The following TACR1 variants were observed in gnomAD, a reference collection of about 807,000 sequenced individuals.
The protein encoded by TACR1 is tachykinin receptor 1, also known as substance-P receptor.
In TACR1, 25 loss-of-function variants were observed where a neutral mutation model predicts 35.8. The observed-to-expected ratio is 0.70, with a 90% CI of 0.51 to 0.98. The LOEUF is 0.98. Among genes scored for constraint, TACR1 ranks in the 50% least tolerant of loss-of-function variants. The probability of loss-of-function intolerance (pLI) is 0.00; values close to 1 mark genes in which losing one functional copy is unlikely to be tolerated. For synonymous variants in TACR1, 195 were observed against 206.7 expected (o/e 0.94, Z 0.48); for missense variants, 478 against 522.9 (o/e 0.91, Z 0.84).
At chr2:75,109,067 T>G (rs1308280875) in intron 2 of TACR1, among the ~76,000 whole-genome samples, 1 of 152,122 alleles carries the variant, frequency 6.6e-6, no homozygotes, top group Admixed American at 6.6e-5. Context: ...ACAACCTGTT[T>G]GGGAAAACAA....
intron 1 of TACR1, among the ~76,000 whole-genome samples, chr2:75,193,628 G>T (rs1675901028): frequency 6.6e-6 from 1 of 152,022 alleles, no homozygotes; most frequent in Non-Finnish European, 1.5e-5. Flanking sequence ...CTGTCATACA[G>T]CTTCTTCTAC....
At chr2:75,107,281 G>A (rs369506657) in intron 2 of TACR1, among the ~76,000 whole-genome samples, 2 of 151,958 alleles carry the variant, frequency 1.3e-5, no homozygotes, top group South Asian at 4.2e-4. Flanking sequence ...TACAATGAAA[G>A]ATTTTAAGGT....
Position 75,172,486 on chromosome 2 carries a change from A to G in TACR1, c.389+26060T>C, listed in dbSNP as rs530523293. On this transcript the variant is annotated intron_variant, in intron 1 of 4. Transcript: ENST00000305249. Reference sequence around the variant, plus strand: ...TTTTCGGGCTGTCCCCCGTCTAGGCAGCCCCCTTCCATGTCTTCCCTAAGG... The same window carrying G: ...TTTTCGGGCTGTCCCCCGTCTAGGCGGCCCCCTTCCATGTCTTCCCTAAGG... 3.2e-3 allele frequency among the ~76,000 whole-genome samples: 493 copies of G among 152,232 alleles called. 2 individuals are homozygous for G. Among genetic ancestry groups the G allele is most frequent in the Non-Finnish European group, 5.0e-3 (338 of 68,014 alleles).
intron 1 of TACR1, among the ~76,000 whole-genome samples, chr2:75,129,899 A>G (rs1674145343): frequency 6.6e-6 from 1 of 152,108 alleles, no homozygotes; most frequent in South Asian, 2.1e-4. Context: ...TAGGAAGGGG[A>G]ATGATATTTC....
intron 2 of TACR1, among the ~76,000 whole-genome samples, chr2:75,076,501 A>G (rs903160412): frequency 6.6e-6 from 1 of 152,238 alleles, no homozygotes; most frequent in Non-Finnish European, 1.5e-5. Context: ...AGAGGAAGTC[A>G]GTATAGACTG....
In TACR1 at chr2:75,110,268, T is replaced by A. The variant is rs192841486; in HGVS notation, c.584+10306A>T. ...GTCTATTTTTCATATATTCATTTTA[T>A]CTCATCTTTTTATTTCTTGGTGATT... is the stretch of plus-strand genomic sequence containing the variant. On this transcript the variant is annotated intron_variant, in intron 2 of 4. Transcript: ENST00000305249. Among the ~76,000 whole-genome samples the A allele has an allele frequency of 7.2e-3, 1,101 of 152,142 alleles. 5 individuals carry two copies. The highest frequency in any genetic ancestry group is 0.011 in the Admixed American group (172 of 15,284).
chr2:75,046,531 C>T lies in TACR1; in HGVS notation c.*2901G>A, dbSNP rs1672373499. 6.6e-6 allele frequency: 1 copy of T among 152,084 alleles called. No individual in the cohort carries two copies. The highest frequency in any genetic ancestry group is 1.5e-5 in the Non-Finnish European group (1 of 68,030). 9.4% of individuals were successfully genotyped at this position (152,084 alleles called of 1,614,324 possible). ...GAGACCAGGCTGGAAAACACGGAAA[C>T]CTCAGGAATGGCCCCTCTCCACTTA... On this transcript the variant is annotated 3_prime_UTR_variant, in exon 5 of 5. Transcript: ENST00000305249.
intron 1 of TACR1, among the ~76,000 whole-genome samples, chr2:75,174,330 C>T (rs1675362036): frequency 6.6e-6 from 1 of 152,184 alleles, no homozygotes; most frequent in African/African-American, 2.4e-5. Context: ...ATGCCTGAAA[C>T]CATGGATGGT....
At chr2:75,160,254 A>G (rs949931696) in intron 1 of TACR1, among the ~76,000 whole-genome samples, 5 of 151,948 alleles carry the variant, frequency 3.3e-5, no homozygotes, top group Admixed American at 2.0e-4. Context: ...ATAGAAAAAA[A>G]AATGAAATTG....
At chr2:75,188,939 A>AT (rs1378016257) in intron 1 of TACR1, 1 of 152,222 alleles carries the variant, frequency 6.6e-6, no homozygotes, top group Non-Finnish European at 1.5e-5. Context: ...AATCTGGCAC[A>AT]TATTTTTCAT....
Position 75,049,318 on chromosome 2 carries a change from T to A in TACR1, c.*114A>T, listed in dbSNP as rs202220450. 1.6e-6 allele frequency: 2 copies of A among 1,219,268 alleles called. No homozygotes were observed. Among genetic ancestry groups the A allele is most frequent in the Non-Finnish European group, 2.3e-6 (2 of 876,730 alleles). 75.5% of individuals were successfully genotyped at this position (1,219,268 alleles called of 1,614,324 possible). ...TTTCCCTAACCCATACTGACCCTTT[T>A]TGCAAGTCCCAGTGTGAGGGTGTTT... On this transcript the variant is annotated 3_prime_UTR_variant, in exon 5 of 5. Coordinates refer to ENST00000305249, the MANE Select transcript of TACR1 (RefSeq NM_001058.4).
At chr2:75,151,150 C>T (rs761052489) in intron 1 of TACR1, among the ~76,000 whole-genome samples, 58 of 152,104 alleles carry the variant, frequency 3.8e-4, no homozygotes, top group Non-Finnish European at 5.4e-4. Context: ...TCTGACTATG[C>T]GATAGAAAAG....
chr2:75,049,684 G>A lies in TACR1; in HGVS notation c.972C>T (p.Pro324=). ...LGFKHAFRCC[P]FISAGDYEGL... is the part of the protein sequence containing the mutation. ...CCTCATAGTCGCCGGCGCTGATGAA[G>A]GGGCAGCACCGGAAGGCATGCTTGA... Residue 324 remains proline (P), a synonymous_variant, in exon 5 of 5, where the codon CCC becomes CCT. Transcript: ENST00000305249. The A allele has an allele frequency of 1.9e-6, 3 of 1,614,150 alleles. No homozygotes were observed. The highest frequency in any genetic ancestry group is 2.5e-6 in the Non-Finnish European group (3 of 1,180,012).
At chr2:75,120,005 GAC>G (rs1673935117) in intron 2 of TACR1, among the ~76,000 whole-genome samples, 2 of 152,142 alleles carry the variant, frequency 1.3e-5, no homozygotes, top group African/African-American at 4.8e-5. Flanking sequence ...AAACCACAGA[GAC>G]ACACTCCCCT....
chr2:75,078,552 T>C (rs937582041), intron 2 of TACR1, among the ~76,000 whole-genome samples: 1 of 152,222 alleles, frequency 6.6e-6, no homozygotes, highest in African/African-American at 2.4e-5. Context: ...TAAGATACTC[T>C]TCTTCTAGCC....
At chr2:75,159,978 T>C (rs1674963237) in intron 1 of TACR1, among the ~76,000 whole-genome samples, 1 of 152,172 alleles carries the variant, frequency 6.6e-6, no homozygotes, top group Admixed American at 6.5e-5. Flanking sequence ...CATGAAAAGA[T>C]AGGCAGTGGG....
chr2:75,198,974 C>A lies in TACR1; in HGVS notation c.-40G>T. 1 of 1,592,322 alleles carries A rather than the reference C, an allele frequency of 6.3e-7. No individual in the cohort carries two copies. Among genetic ancestry groups the A allele is most frequent in the South Asian group, 1.1e-5 (1 of 87,296 alleles). On this transcript the variant is annotated 5_prime_UTR_variant, in exon 1 of 5. Coordinates refer to ENST00000305249, the MANE Select transcript of TACR1 (RefSeq NM_001058.4). The stretch of plus-strand genomic sequence containing the variant: ...GTAAAGCCCTACTATCTGTACACAA[C>A]CCCCCTCTGCAGCAGAGTCCTGTGG...
intron 2 of TACR1, among the ~76,000 whole-genome samples, chr2:75,117,498 C>A (rs1673889705): frequency 6.6e-6 from 1 of 152,204 alleles, no homozygotes; most frequent in East Asian, 1.9e-4. Flanking sequence ...TGGTAGTTAA[C>A]ATTCACTAGA....
chr2:75,132,850 C>G (rs1674205505), intron 1 of TACR1, among the ~76,000 whole-genome samples: 1 of 152,184 alleles, frequency 6.6e-6, no homozygotes, highest in Non-Finnish European at 1.5e-5. Context: ...TGGTCTGCAT[C>G]CCCATGTGAG....
Sources: allele counts gnomAD v4.1 joint callset (sites outside exome capture counted in the v4.1 genomes callset), GRCh38; gene constraint gnomAD v4.1.1; transcripts MANE v1.5; gene names NCBI Gene and HGNC (gene_info 2026-07-23, HGNC 2026-07-21).